The following TMPRSS15 variants were observed in gnomAD, a reference collection of about 807,000 sequenced individuals.
TMPRSS15 encodes the protein enteropeptidase.
A neutral mutation model predicts 125.3 loss-of-function variants in TMPRSS15; 128 were observed. The observed-to-expected ratio is 1.02, with a 90% CI of 0.89 to 1.18. The LOEUF (loss-of-function observed/expected upper bound fraction) is 1.18, where lower values mean the gene tolerates loss of function less well. Among genes scored for constraint, TMPRSS15 ranks in the 50% most tolerant of loss-of-function variants. The pLI, the probability that TMPRSS15 is intolerant of heterozygous loss-of-function variation, is 0.00. For missense variants in TMPRSS15, 1,283 were observed against 1,212.7 expected, an observed-to-expected ratio of 1.06 and a Z score of -0.86; for synonymous variants, 446 against 423.2, an observed-to-expected ratio of 1.05 and a Z score of -0.66.
intron 21 of TMPRSS15, 60 bp downstream of exon 21, chr21:18,294,210 G>A (rs751113625): frequency 1.1e-4 from 176 of 1,601,546 alleles, no homozygotes; most frequent in Non-Finnish European, 1.3e-4. Flanking sequence ...GAAATGGGAC[G>A]CTTGGCAGTG....
At chr21:18,421,713 A>G (rs183630908) in intron 1 of TMPRSS15, among the ~76,000 whole-genome samples, 1 of 152,264 alleles carries the variant, frequency 6.6e-6, no homozygotes, top group East Asian at 1.9e-4. Flanking sequence ...TAATCTATTT[A>G]TGGAATGGTT....
chr21:18,403,526 C>A lies in TMPRSS15; in HGVS notation c.97G>T (p.Ala33Ser). 6.2e-7 allele frequency: 1 copy of A among 1,614,148 alleles called. No homozygotes were observed. Among genetic ancestry groups the A allele is most frequent in the Non-Finnish European group, 8.5e-7 (1 of 1,180,010 alleles). Reference sequence around the variant, plus strand: ...AGGCAGGATACTGCAATTAATCCAGCACAGAGCACTACCAATATGGCAAAG... The same window carrying A: ...AGGCAGGATACTGCAATTAATCCAGAACAGAGCACTACCAATATGGCAAAG... Reference protein sequence around the residue: ...ALFAILVVLCAGLIAVSCLTI... With the variant: ...ALFAILVVLCSGLIAVSCLTI... Residue 33 changes from alanine (A) to serine (S), a missense_variant, in exon 1 of 25, where the codon GCT becomes TCT. By Grantham distance (99) the Ala-to-Ser change is moderately conservative. Coordinates refer to ENST00000284885, the MANE Select transcript of TMPRSS15 (RefSeq NM_002772.3).
At chr21:18,389,766 C>T (rs2075975692) in intron 3 of TMPRSS15, among the ~76,000 whole-genome samples, 1 of 152,058 alleles carries the variant, frequency 6.6e-6, no homozygotes, top group South Asian at 2.1e-4. Context: ...TTTGACTTTC[C>T]TACCTCTTTT....
At chr21:18,303,929 A>G (rs896420842) in intron 18 of TMPRSS15, among the ~76,000 whole-genome samples, 1 of 152,226 alleles carries the variant, frequency 6.6e-6, no homozygotes, top group African/African-American at 2.4e-5. Flanking sequence ...GACATTTCAC[A>G]AAAGTCTTGA....
chr21:18,389,293 C>A (rs953654165), intron 3 of TMPRSS15, among the ~76,000 whole-genome samples: 2 of 151,710 alleles, frequency 1.3e-5, no homozygotes, highest in South Asian at 4.2e-4. Context: ...AAGATTAAAC[C>A]TTTTTGCATA....
chr21:18,281,111 G>T lies in TMPRSS15; in HGVS notation c.2597C>A (p.Pro866His), dbSNP rs141411206. The T allele has an allele frequency of 2.7e-5, 44 of 1,613,888 alleles. No homozygotes were observed. The African/African-American group carries it at 4.7e-4, about 17-fold the overall frequency. ...GTCCTTTCTTCGCCTATTGTAATGA[G>T]GGTTTATGACAATTTCATCTATTAA... is the stretch of plus-strand genomic sequence containing the variant. ...PRLIDEIVIN[P>H]HYNRRRKDND... Residue 866 changes from proline (P) to histidine (H), a missense_variant, in exon 22 of 25, where the codon CCT becomes CAT. Pro to His is a moderately conservative substitution (Grantham distance 77). Coordinates refer to ENST00000284885, the MANE Select transcript of TMPRSS15 (RefSeq NM_002772.3).
chr21:18,343,583 C>T lies in TMPRSS15; in HGVS notation c.1351G>A (p.Val451Ile). Reference protein sequence around the residue: ...ISNDQNMEKTVFQKEGNYGDN... With the variant: ...ISNDQNMEKTIFQKEGNYGDN... ...CCATAATTTCCTTCCTTTTGGAAAACTGTCTTCTCCATATTTTGGTCATTG... is the reference window on the plus strand; with the variant it reads ...CCATAATTTCCTTCCTTTTGGAAAATTGTCTTCTCCATATTTTGGTCATTG... The change falls in exon 12 of 25, where the codon GTT (valine) becomes ATT (isoleucine). Residue 451 changes from valine to isoleucine, a missense_variant. Coordinates refer to ENST00000284885, the MANE Select transcript of TMPRSS15 (RefSeq NM_002772.3). 6.2e-7 allele frequency: 1 copy of T among 1,612,880 alleles called. No homozygotes were observed. The highest frequency in any genetic ancestry group is 8.5e-7 in the Non-Finnish European group (1 of 1,178,986).
chr21:18,394,878 T>C (rs2076020673), intron 3 of TMPRSS15, among the ~76,000 whole-genome samples: 2 of 152,186 alleles, frequency 1.3e-5, no homozygotes, highest in Non-Finnish European at 2.9e-5. Flanking sequence ...TTTCTGAGTA[T>C]TTTTCTATAT....
At chr21:18,456,624 G>T (rs1457145610) in intron 1 of TMPRSS15, among the ~76,000 whole-genome samples, 1 of 152,000 alleles carries the variant, frequency 6.6e-6, no homozygotes, top group Non-Finnish European at 1.5e-5. Flanking sequence ...CAAATGTTAA[G>T]CAAGACTCTT....
intron 1 of TMPRSS15, among the ~76,000 whole-genome samples, chr21:18,460,374 A>G (rs1978529347): frequency 6.6e-6 from 1 of 152,058 alleles, no homozygotes; most frequent in Non-Finnish European, 1.5e-5. Flanking sequence ...CGAGTGGAAC[A>G]CAAGACTTTT....
intron 1 of TMPRSS15, among the ~76,000 whole-genome samples, chr21:18,432,299 A>G (rs1456256797): frequency 1.3e-5 from 2 of 152,180 alleles, no homozygotes. Context: ...TGTCTTCATC[A>G]ATTTCCTGAG....
intron 1 of TMPRSS15, among the ~76,000 whole-genome samples, chr21:18,451,293 C>G (rs1306040475): frequency 1.3e-5 from 2 of 151,984 alleles, no homozygotes; most frequent in Admixed American, 6.6e-5. Context: ...TTTTACTGTA[C>G]ACAGTTCACC....
intron 16 of TMPRSS15, among the ~76,000 whole-genome samples, chr21:18,318,773 C>T (rs1470216264): frequency 6.6e-6 from 1 of 152,144 alleles, no homozygotes; most frequent in East Asian, 1.9e-4. Flanking sequence ...TTTTGTTTTG[C>T]TTATATGGTC....
intron 6 of TMPRSS15, among the ~76,000 whole-genome samples, chr21:18,365,639 T>C (rs1437469578): frequency 5.2e-5 from 3 of 57,240 alleles, no homozygotes; most frequent in East Asian, 7.3e-4. Context: ...TCTTTCTCTC[T>C]CTTTTTCCTC....
Position 18,455,211 on chromosome 21 carries a change from T to C in TMPRSS15, c.10+30588A>G, listed in dbSNP as rs1217663598. Among the ~76,000 whole-genome samples, 14 of 152,308 alleles carry C rather than the reference T, an allele frequency of 9.2e-5. No homozygotes were observed. The South Asian group carries it at 2.3e-3, about 25-fold the overall frequency. On this transcript the variant is annotated intron_variant, in intron 1 of 7. Coordinates refer to the TMPRSS15 transcript ENST00000422787. ...TTCCCCAGCCATGTGGGACTATTAG[T>C]CAATTAAACCTCTTTCCTTTATAAA...
In TMPRSS15 at chr21:18,459,421, G is replaced by A. The variant is rs191967919; in HGVS notation, c.10+26378C>T. 4.5e-3 allele frequency among the ~76,000 whole-genome samples: 689 copies of A among 151,994 alleles called. 7 individuals are homozygous for A. Among genetic ancestry groups the A allele is most frequent in the African/African-American group, 0.016 (664 of 41,484 alleles). On this transcript the variant is annotated intron_variant, in intron 1 of 7. Transcript: ENST00000422787. Reference sequence around the variant, plus strand: ...CTCGAGTAGCTGGGACTGCAGAGGCGCACCATCATGCCTGGCTAATTTTTG... The same window carrying A: ...CTCGAGTAGCTGGGACTGCAGAGGCACACCATCATGCCTGGCTAATTTTTG...
intron 18 of TMPRSS15, among the ~76,000 whole-genome samples, chr21:18,312,302 T>C (rs2075108300): frequency 6.6e-6 from 1 of 151,932 alleles, no homozygotes; most frequent in Admixed American, 6.6e-5. Context: ...ACATATTTGA[T>C]GCAAGCTATT....
At chr21:18,270,820 A>G (rs2074545985) in intron 24 of TMPRSS15, among the ~76,000 whole-genome samples, 2 of 152,230 alleles carry the variant, frequency 1.3e-5, no homozygotes, top group African/African-American at 4.8e-5. Flanking sequence ...ATGCAATGAT[A>G]ATACAAACAT....
chr21:18,344,709 T>C (rs191864342), intron 10 of TMPRSS15, among the ~76,000 whole-genome samples: 1 of 152,240 alleles, frequency 6.6e-6, no homozygotes, highest in Non-Finnish European at 1.5e-5. Flanking sequence ...TTCCAACCAA[T>C]GATTTCAGTC....
Sources: gnomAD v4.1 joint callset for allele counts (sites outside exome capture counted in the v4.1 genomes callset) on GRCh38, gnomAD v4.1.1 for gene constraint, MANE v1.5 for transcripts, NCBI Gene and HGNC (gene_info 2026-07-23, HGNC 2026-07-21) for gene names.